The following TTLL10 variants were observed in gnomAD, a reference collection of about 807,000 sequenced individuals.
TTLL10 encodes the protein inactive polyglycylase TTLL10.
A neutral mutation model predicts 69.0 loss-of-function variants in TTLL10; 61 were observed. That is an observed-to-expected ratio of 0.88 (90% CI 0.72 to 1.09). The LOEUF (loss-of-function observed/expected upper bound fraction) is 1.09, where lower values mean the gene tolerates loss of function less well. Among genes scored for constraint, TTLL10 ranks in the 50% least tolerant of loss-of-function variants. TTLL10 has a pLI of 0.00. For synonymous variants in TTLL10, 408 were observed against 393.3 expected (o/e 1.04, Z -0.44); for missense variants, 962 against 945.9 (o/e 1.02, Z -0.22).
In TTLL10 at chr1:1,196,621, G is replaced by T; in HGVS notation, c.1423G>T (p.Ala475Ser). The change falls in exon 14 of 16, where the codon GCC becomes TCC. Residue 475 changes from alanine to serine, a missense_variant. Physicochemically the swap from Ala to Ser is moderately conservative, Grantham distance 99. Coordinates refer to ENST00000379289, the MANE Select transcript of TTLL10 (RefSeq NM_001130045.2). ...GCAGAAGCGGATGCAGCAGATCATG[G>T]CCCACTGCTTTCTGGCCGCCAAGCC... ...TLKKRMQQIM[A>S]HCFLAAKPKL... The T allele has an allele frequency of 6.4e-7, 1 of 1,551,688 alleles. No homozygotes were observed. The highest frequency in any genetic ancestry group is 2.4e-5 in the East Asian group (1 of 40,926).
chr1:1,196,856 G>T, intron 14 of TTLL10, 140 bp downstream of exon 14: 1 of 770,890 alleles, frequency 1.3e-6, no homozygotes. Flanking sequence ...CTGGGGATGG[G>T]TGTATCCATG....
At chr1:1,196,534 G>C (rs1015280481) in intron 13 of TTLL10, 66 bp from the exon 14 acceptor site, 10 of 1,244,170 alleles carry the variant, frequency 8.0e-6, no homozygotes, top group Non-Finnish European at 1.0e-5. Context: ...GGCTGTGGCT[G>C]TTCAGACCTG....
Position 1,197,580 on chromosome 1 carries a change from G to A in TTLL10, c.1755G>A (p.Trp585Ter). Reference sequence around the variant, plus strand: ...GGGGCTCGTGCAGCCTCCGCCGCTGGCCGCCCCTGCCCACCCGCCAGGCCA... The same window carrying A: ...GGGGCTCGTGCAGCCTCCGCCGCTGACCGCCCCTGCCCACCCGCCAGGCCA... The part of the protein sequence containing the change: ...HLGGSCSLRR[W>*]PPLPTRQAKS... Residue 585 changes from tryptophan (W) to a stop codon, truncating the protein, a stop_gained, in exon 16 of 16, where the codon TGG (tryptophan) becomes TGA (stop). Transcript: ENST00000379289. LOFTEE classifies it high-confidence loss of function. 1 of 1,513,972 alleles carries A rather than the reference G, an allele frequency of 6.6e-7. No individual in the cohort carries two copies. Among genetic ancestry groups the A allele is most frequent in the African/African-American group, 1.4e-5 (1 of 71,462 alleles). 93.8% of individuals were successfully genotyped at this position (1,513,972 alleles called of 1,614,324 possible).
At chr1:1,186,613 C>A (rs1365944601) in intron 13 of TTLL10, among the ~76,000 whole-genome samples, 3 of 152,158 alleles carry the variant, frequency 2.0e-5, no homozygotes, top group Non-Finnish European at 4.4e-5. Flanking sequence ...CCAGGAATCA[C>A]TTTTCCAGTT....
At chr1:1,197,267 C>T in intron 15 of TTLL10, 81 bp downstream of exon 15, 6 of 1,391,024 alleles carry the variant, frequency 4.3e-6, no homozygotes, top group Non-Finnish European at 5.9e-6. Flanking sequence ...CAAGTTCAGA[C>T]CCCCACAGAT....
chr1:1,175,789 A>AGGTGGAGAGAGGCT (rs1646847886), intron 3 of TTLL10: 1 of 391,616 alleles, frequency 2.6e-6, no homozygotes, highest in East Asian at 9.6e-5. Context: ...TGCTGCTCCC[A>AGGTGGAGAGAGGCT]GCCGCTGTGC....
chr1:1,197,597 G>A lies in TTLL10; in HGVS notation c.1772G>A (p.Arg591His), dbSNP rs1356387814. 2.2e-5 allele frequency: 33 copies of A among 1,512,976 alleles called. 1 individual carries two copies. The highest frequency in any genetic ancestry group is 2.8e-5 in the African/African-American group (2 of 71,070). 93.7% of individuals were successfully genotyped at this position (1,512,976 alleles called of 1,614,324 possible). A position where few individuals can be genotyped will look rare whatever the true frequency, so the allele number is the denominator to read the frequency against. ...CGCCGCTGGCCGCCCCTGCCCACCC[G>A]CCAGGCCAAGTCCTCCGGGCCACCC... is the stretch of plus-strand genomic sequence containing the variant. The part of the protein sequence containing the change: ...SLRRWPPLPT[R>H]QAKSSGPPMP... The change falls in exon 16 of 16, where the codon CGC becomes CAC. Residue 591 changes from arginine to histidine, a missense_variant. Transcript: ENST00000379289.
chr1:1,180,576 A>T lies in TTLL10; in HGVS notation c.600A>T (p.Arg200=). 1 of 1,551,902 alleles carries T rather than the reference A, an allele frequency of 6.4e-7. No individual in the cohort carries two copies. The highest frequency in any genetic ancestry group is 8.7e-7 in the Non-Finnish European group (1 of 1,147,308). ...TGAAGTGGTGTGAGGTCAAGAGCCG[A>T]GACAGCTACGGCAGCTTCCGGGAAG... The part of the protein sequence containing the change: ...YTLKWCEVKS[R]DSYGSFREGE... The change falls in exon 7 of 16, where the codon CGA becomes CGT. Residue 200 remains arginine, a synonymous_variant. Transcript: ENST00000379289.
At chr1:1,177,457 G>A (rs1570397379) in intron 3 of TTLL10, among the ~76,000 whole-genome samples, 1 of 152,118 alleles carries the variant, frequency 6.6e-6, no homozygotes. Flanking sequence ...GACTACAGGC[G>A]CCCAACACCA....
In TTLL10 at chr1:1,197,864, C is replaced by T. The variant is rs763576447; in HGVS notation, c.*17C>T. The T allele has an allele frequency of 1.5e-4, 213 of 1,424,446 alleles. No individual in the cohort carries two copies. The East Asian group carries it at 6.0e-3, about 40-fold the overall frequency. 88.2% of individuals were successfully genotyped at this position (1,424,446 alleles called of 1,614,324 possible). A position where few individuals can be genotyped will look rare whatever the true frequency, so the allele number is the denominator to read the frequency against. Reference sequence around the variant, plus strand: ...AGGCCCTAGGGGCAGCCACCCGCGCCCAGCGCCCCGCGCCCCGCGCCCCAG... The same window carrying T: ...AGGCCCTAGGGGCAGCCACCCGCGCTCAGCGCCCCGCGCCCCGCGCCCCAG... On this transcript the variant is annotated 3_prime_UTR_variant, in exon 16 of 16. Transcript: ENST00000379289.
Position 1,184,106 on chromosome 1 carries a change from G to C in TTLL10, c.1260+15G>C, listed in dbSNP as rs1321431774. 4 of 1,614,102 alleles carry C rather than the reference G, an allele frequency of 2.5e-6. No individual in the cohort carries two copies. Among genetic ancestry groups the C allele is most frequent in the Non-Finnish European group, 3.4e-6 (4 of 1,179,982 alleles). On this transcript the variant is annotated intron_variant, in intron 12 of 15. Transcript: ENST00000379289. ...TGACCAACCAGGTGAGTCTGCCATG[G>C]GTGAGGGCCCTCCCTGCAGCCTTGG...
chr1:1,196,758 G>T, intron 14 of TTLL10, 42 bp downstream of exon 14: 1 of 1,353,966 alleles, frequency 7.4e-7, no homozygotes, highest in South Asian at 1.3e-5. Context: ...ACAGATGCAA[G>T]GAGGCAGGGG....
rs113088320 is a variant in TTLL10, at chr1:1,176,245, C to T, written c.-28+1756C>T. ...CGCTGTGCAGGTGGAGAGAGGCTGA[C>T]GCTGTGCAGGTGGAGAGAGGCTGAC... On this transcript the variant is annotated intron_variant, in intron 3 of 15. Coordinates refer to ENST00000379289, the MANE Select transcript of TTLL10 (RefSeq NM_001130045.2). 3,322 of 436,056 alleles carry T rather than the reference C, an allele frequency of 7.6e-3. 35 individuals carry two copies. Among genetic ancestry groups the T allele is most frequent in the African/African-American group, 0.011 (539 of 47,862 alleles). The allele number at this position is 436,056 out of a possible 1,614,324, so 27.0% of individuals were successfully genotyped here.
intron 8 of TTLL10, 38 bp downstream of exon 8, chr1:1,180,898 C>T (rs1421810959): frequency 3.5e-5 from 53 of 1,507,368 alleles, no homozygotes; most frequent in Middle Eastern, 4.5e-4. Flanking sequence ...TCCCTGCGCC[C>T]GCCCCTACGC....
In TTLL10 at chr1:1,197,788, G is replaced by C; in HGVS notation, c.1963G>C (p.Glu655Gln). The change falls in exon 16 of 16, where the codon GAG becomes CAG. Residue 655 changes from glutamate (E) to glutamine (Q), a missense_variant. By Grantham distance (29) the Glu-to-Gln change is conservative. Transcript: ENST00000379289. ...CACAGGCAACAGGCACCCGGCGCAA[G>C]AGCCTTCCCCGGGGACAGCCAAGGA... ...SGTGNRHPAQ[E>Q]PSPGTAKEER... is the part of the protein sequence containing the mutation. The C allele has an allele frequency of 2.6e-6, 4 of 1,530,590 alleles. No individual in the cohort carries two copies. Among genetic ancestry groups the C allele is most frequent in the Non-Finnish European group, 3.5e-6 (4 of 1,140,340 alleles). 94.8% of individuals were successfully genotyped at this position (1,530,590 alleles called of 1,614,324 possible). A position where few individuals can be genotyped will look rare whatever the true frequency, so the allele number is the denominator to read the frequency against.
At position 1,180,195 on chromosome 1, in the gene TTLL10, C is replaced by T. The variant is rs774183892; in HGVS notation, c.361C>T (p.Arg121Trp). The T allele has an allele frequency of 2.5e-6, 4 of 1,611,086 alleles. No individual in the cohort carries two copies. The highest frequency in any genetic ancestry group is 1.7e-6 in the Non-Finnish European group (2 of 1,179,318). The change falls in exon 6 of 16, where the codon CGG becomes TGG. Residue 121 changes from arginine (R) to tryptophan (W), a missense_variant. Arg to Trp is a moderately radical substitution (Grantham distance 101). Transcript: ENST00000379289. ...ACCCCCTGGGCTCCTGAACAGCCAC[C>T]GGCCTGCAGACTCGGATGACACTAA... ...PGPPGLLNSH[R>W]PADSDDTNAA...
intron 13 of TTLL10, among the ~76,000 whole-genome samples, chr1:1,193,567 G>A (rs1486435324): frequency 3.3e-5 from 5 of 151,076 alleles, no homozygotes; most frequent in East Asian, 4.1e-4. Context: ...GGATTCAAGC[G>A]ATTCTCCTGC....
chr1:1,182,611 G>A (rs1415525793), intron 10 of TTLL10, among the ~76,000 whole-genome samples, 165 bp downstream of exon 10: 1 of 152,134 alleles, frequency 6.6e-6, no homozygotes, highest in Non-Finnish European at 1.5e-5. Context: ...GGTCTGGGTG[G>A]GGACTGAGGA....
In TTLL10 at chr1:1,183,054, C is replaced by T. The variant is rs748777928; in HGVS notation, c.1088+7C>T. 1.5e-5 allele frequency: 24 copies of T among 1,589,104 alleles called. No individual in the cohort carries two copies. The highest frequency in any genetic ancestry group is 4.6e-5 in the East Asian group (2 of 43,166). ...AGGCGCGGGTGGTGCAGAGGTGCGG[C>T]GGCGGGTGCCCGGAGGGGTGAGGGT... On this transcript the variant is annotated splice_region_variant and intron_variant, in intron 11 of 15. Transcript: ENST00000379289.
Sources: gnomAD v4.1 joint callset for allele counts (sites outside exome capture counted in the v4.1 genomes callset) on GRCh38, gnomAD v4.1.1 for gene constraint, MANE v1.5 for transcripts, NCBI Gene and HGNC (gene_info 2026-07-23, HGNC 2026-07-21) for gene names.